PKHD1L1: variants seen among roughly 807,000 people sequenced by gnomAD.
PKHD1L1 encodes the protein fibrocystin-L.
In PKHD1L1, 434 loss-of-function variants were observed where a neutral mutation model predicts 462.9. The ratio of observed to expected loss-of-function variants is 0.94; its 90% confidence interval spans 0.87 to 1.02. PKHD1L1 has a LOEUF of 1.02. Ranked by LOEUF, PKHD1L1 falls within the 50% of genes least tolerant of loss-of-function variation. The pLI, the probability that PKHD1L1 is intolerant of heterozygous loss-of-function variation, is 0.00. For synonymous variants in PKHD1L1, 1,781 were observed against 1,750.0 expected (o/e 1.02, Z -0.44); for missense variants, 5,202 against 5,096.1 (o/e 1.02, Z -0.63).
At chr8:109,381,616 A>G (rs1185617763) in intron 3 of PKHD1L1, 102 bp downstream of exon 3, 9 of 911,770 alleles carry the variant, frequency 9.9e-6, no homozygotes, top group Middle Eastern at 3.5e-4. Context: ...GCTATTATAA[A>G]TAATATTTTT....
At chr8:109,408,341 T>A in intron 18 of PKHD1L1, 135 bp downstream of exon 18, 1 of 791,572 alleles carries the variant, frequency 1.3e-6, no homozygotes, top group Non-Finnish European at 1.9e-6. Context: ...CCTGATCAAC[T>A]CACCACAATT....
chr8:109,438,970 A>T lies in PKHD1L1; in HGVS notation c.3834A>T (p.Gly1278=), dbSNP rs1815609560. The T allele has an allele frequency of 6.2e-7, 1 of 1,613,698 alleles. No individual in the cohort carries two copies. The highest frequency in any genetic ancestry group is 2.2e-5 in the East Asian group (1 of 44,858). ...ELTQNMAVYV[G]GKTCQILHWN... ...CACAAAACATGGCGGTGTATGTTGG[A>T]GGAAAAACCTGCCAGATTCTTCACT... Residue 1278 remains glycine (G), a synonymous_variant, in exon 32 of 78, where the codon GGA becomes GGT. Transcript: ENST00000378402.
At chr8:109,460,682 G>A (rs928468993) in intron 47 of PKHD1L1, among the ~76,000 whole-genome samples, 1 of 152,144 alleles carries the variant, frequency 6.6e-6, no homozygotes, top group African/African-American at 2.4e-5. Flanking sequence ...ATTGGCCTCA[G>A]TTAAGAAACA....
At chr8:109,493,074 G>C (rs759751968) in intron 62 of PKHD1L1, among the ~76,000 whole-genome samples, 24 of 150,648 alleles carry the variant, frequency 1.6e-4, no homozygotes, top group Non-Finnish European at 2.8e-4. Flanking sequence ...GCTTGCACCT[G>C]TAATCCTAGC....
At chr8:109,428,551 G>A (rs896706486) in intron 25 of PKHD1L1, among the ~76,000 whole-genome samples, 1 of 151,894 alleles carries the variant, frequency 6.6e-6, no homozygotes, top group South Asian at 2.1e-4. Flanking sequence ...AGGATATGGG[G>A]GTTATTTTAA....
chr8:109,375,372 C>A (rs1811757987), intron 2 of PKHD1L1, among the ~76,000 whole-genome samples: 1 of 152,182 alleles, frequency 6.6e-6, no homozygotes, highest in Non-Finnish European at 1.5e-5. Context: ...AAGGACTTCT[C>A]TGCATTGGTT....
rs931311108 is a variant in PKHD1L1 at position 109,364,774 on chromosome 8, C to G, written c.163+138C>G. 51 of 634,122 alleles carry G rather than the reference C, an allele frequency of 8.0e-5. No individual in the cohort carries two copies. In the Admixed American group the frequency reaches 9.2e-4, roughly 11 times the overall value. The allele number at this position is 634,122 out of a possible 1,614,324, so 39.3% of individuals were successfully genotyped here. ...TTCACTTGGCCAGAATAGTAAAACT[C>G]TGTCCTCTTTGATAGCTAGTGAAAT... On this transcript the variant is annotated intron_variant, in intron 2 of 77. Coordinates refer to ENST00000378402, the MANE Select transcript of PKHD1L1 (RefSeq NM_177531.6).
intron 62 of PKHD1L1, among the ~76,000 whole-genome samples, chr8:109,493,185 ATATGT>A (rs1401865002): frequency 6.7e-6 from 1 of 148,968 alleles, no homozygotes; most frequent in East Asian, 1.9e-4. Flanking sequence ...ATATATATAT[ATATGT>A]TATATGTATT....
At position 109,477,399 on chromosome 8, in the gene PKHD1L1, A is replaced by G; in HGVS notation, c.9089+3A>G. 6.2e-7 allele frequency: 1 copy of G among 1,608,378 alleles called. No individual in the cohort carries two copies. Among genetic ancestry groups the G allele is most frequent in the Non-Finnish European group, 8.5e-7 (1 of 1,176,232 alleles). On this transcript the variant is annotated splice_donor_region_variant and intron_variant, in intron 53 of 77. Coordinates refer to ENST00000378402, the MANE Select transcript of PKHD1L1 (RefSeq NM_177531.6). ...AAGAAGCGACCAGCCACATATAAGTACATAGGCCTTTTGTAGTTGATACCC... is the reference window on the plus strand; with the variant it reads ...AAGAAGCGACCAGCCACATATAAGTGCATAGGCCTTTTGTAGTTGATACCC...
At chr8:109,400,424 C>T (rs556568005) in intron 13 of PKHD1L1, 80 bp downstream of exon 13, 49 of 1,422,668 alleles carry the variant, frequency 3.4e-5, no homozygotes, top group South Asian at 4.2e-5. Flanking sequence ...TAAATCAAAA[C>T]GAATGAACAT....
chr8:109,448,497 G>T, intron 39 of PKHD1L1, 106 bp downstream of exon 39: 49 of 1,037,640 alleles, frequency 4.7e-5, no homozygotes, highest in South Asian at 1.7e-4. Context: ...AAAATTTCTA[G>T]TGTTTTTTTT....
intron 76 of PKHD1L1, among the ~76,000 whole-genome samples, chr8:109,524,664 A>G (rs1263068266): frequency 6.6e-6 from 1 of 152,242 alleles, no homozygotes; most frequent in Non-Finnish European, 1.5e-5. Context: ...ATAATAATTT[A>G]AGCATTTTTC....
chr8:109,508,974 G>A (rs1819838642), intron 70 of PKHD1L1, among the ~76,000 whole-genome samples: 1 of 152,060 alleles, frequency 6.6e-6, no homozygotes, highest in Non-Finnish European at 1.5e-5. Context: ...AATGACACCA[G>A]GGGCTCAAAA....
Position 109,466,629 on chromosome 8 carries a change from A to G in PKHD1L1, c.8465A>G (p.His2822Arg). The G allele has an allele frequency of 6.2e-7, 1 of 1,610,478 alleles. No individual in the cohort carries two copies. The highest frequency in any genetic ancestry group is 2.2e-5 in the East Asian group (1 of 44,724). The change falls in exon 50 of 78, where the codon CAT becomes CGT. Residue 2822 changes from histidine (H) to arginine (R), a missense_variant. By Grantham distance (29) the His-to-Arg change is conservative. Transcript: ENST00000378402. Reference sequence around the variant, plus strand: ...CACAGCTCATTGCTAGACCCTTCTCATTGTACTCAGGAAGCTGAGTGGAGC... The same window carrying G: ...CACAGCTCATTGCTAGACCCTTCTCGTTGTACTCAGGAAGCTGAGTGGAGC... ...IPHSSLLDPS[H>R]CTQEAEWSIG... is the part of the protein sequence containing the mutation.
At chr8:109,522,938 A>G (rs949601578) in intron 75 of PKHD1L1, 48 bp downstream of exon 75, 7 of 1,510,620 alleles carry the variant, frequency 4.6e-6, no homozygotes, top group East Asian at 4.8e-5. Flanking sequence ...TTAAGCTACA[A>G]ATTCTGAAGG....
intron 2 of PKHD1L1, among the ~76,000 whole-genome samples, chr8:109,373,187 T>A (rs1811611185): frequency 6.6e-6 from 1 of 152,206 alleles, no homozygotes; most frequent in Admixed American, 6.5e-5. Context: ...TCAGAGCCTG[T>A]TATTGGTCTA....
At chr8:109,396,174 C>T (rs1221550044) in intron 11 of PKHD1L1, 37 bp downstream of exon 11, 3 of 1,399,084 alleles carry the variant, frequency 2.1e-6, no homozygotes, top group East Asian at 2.4e-5. Context: ...ACTTTATTAC[C>T]ACAAATTCTG....
chr8:109,391,703 T>C (rs182153038), intron 9 of PKHD1L1, among the ~76,000 whole-genome samples: 5 of 152,300 alleles, frequency 3.3e-5, no homozygotes, highest in African/African-American at 1.2e-4. Flanking sequence ...CTCTGAACAA[T>C]GATCAGAAGT....
chr8:109,443,317 C>T (rs1266602509), intron 36 of PKHD1L1, among the ~76,000 whole-genome samples: 1 of 152,108 alleles, frequency 6.6e-6, no homozygotes, highest in Non-Finnish European at 1.5e-5. Context: ...ACCAGTCTTT[C>T]CCCCAGAATC....
Sources: gnomAD v4.1 joint callset for allele counts (sites outside exome capture counted in the v4.1 genomes callset) on GRCh38, gnomAD v4.1.1 for gene constraint, MANE v1.5 for transcripts, NCBI Gene and HGNC (gene_info 2026-07-23, HGNC 2026-07-21) for gene names.